CAST: variants seen among roughly 807,000 people sequenced by gnomAD.
The protein encoded by CAST is MIR583 host.
In CAST, 76 loss-of-function variants were observed where a neutral mutation model predicts 119.6. The observed-to-expected ratio is 0.64, with a 90% CI of 0.53 to 0.77. The LOEUF (loss-of-function observed/expected upper bound fraction) is 0.77, where lower values mean the gene tolerates loss of function less well. Ranked by LOEUF, CAST falls within the 30% of genes least tolerant of loss-of-function variation. The pLI, the probability that CAST is intolerant of heterozygous loss-of-function variation, is 0.00. For synonymous variants in CAST, 319 were observed against 331.6 expected, an observed-to-expected ratio of 0.96 and a Z score of 0.41; for missense variants, 953 against 946.5, an observed-to-expected ratio of 1.01 and a Z score of -0.09.
chr5:96,398,765 C>T, the CAST span: 1 of 901,386 alleles, frequency 1.1e-6, no homozygotes, highest in Non-Finnish European at 1.8e-6. Flanking sequence ...TTTTTTAAGA[C>T]CTGAAAATAT....
chr5:96,071,665 T>C, the CAST span, among the ~76,000 whole-genome samples: 1 of 152,190 alleles, frequency 6.6e-6, no homozygotes, highest in Admixed American at 6.6e-5. Context: ...TTCCTCTCAC[T>C]TGGGATGCTG....
At chr5:96,371,793 G>T in the CAST span, among the ~76,000 whole-genome samples, 1 of 152,074 alleles carries the variant, frequency 6.6e-6, no homozygotes, top group Non-Finnish European at 1.5e-5. Context: ...AGATTTACAG[G>T]CTGAAAATGG....
the CAST span, among the ~76,000 whole-genome samples, chr5:96,434,627 TG>T: frequency 9.9e-4 from 149 of 150,808 alleles, no homozygotes; most frequent in African/African-American, 2.9e-3. Flanking sequence ...TTGTTGTTGT[TG>T]TTGTTGTTTT....
At chr5:96,222,653 C>T in the CAST span, among the ~76,000 whole-genome samples, 1 of 151,988 alleles carries the variant, frequency 6.6e-6, no homozygotes, top group African/African-American at 2.4e-5. Context: ...TTATTATACA[C>T]CATTGATGGG....
the CAST span, among the ~76,000 whole-genome samples, chr5:96,361,191 C>T: frequency 7.2e-5 from 11 of 152,266 alleles, no homozygotes; most frequent in Admixed American, 3.9e-4. Context: ...CCACCAAGCT[C>T]GAGTGTCCCA....
the CAST span, among the ~76,000 whole-genome samples, chr5:96,491,527 T>TAAAAAAAAAAAAAAAAAAA: frequency 9.4e-6 from 1 of 106,096 alleles, no homozygotes. Flanking sequence ...AAAAAAAAAT[T>TAAAAAAAAAAAAAAAAAAA]AAAAAGACCA....
the CAST span, chr5:96,398,825 A>C: frequency 7.4e-7 from 1 of 1,346,348 alleles, no homozygotes; most frequent in South Asian, 1.2e-5. Context: ...CAGTTATTTG[A>C]ATCATTCAAC....
chr5:96,345,594 G>T, the CAST span, among the ~76,000 whole-genome samples: 1 of 152,114 alleles, frequency 6.6e-6, no homozygotes, highest in African/African-American at 2.4e-5. Flanking sequence ...TGGGTGTACA[G>T]TTCCTTAGCT....
chr5:96,170,925 C>A, the CAST span, among the ~76,000 whole-genome samples: 2 of 152,056 alleles, frequency 1.3e-5, no homozygotes, highest in South Asian at 2.1e-4. Context: ...GGAGCAGAGG[C>A]TGAGGAAGAA....
chr5:96,727,642 T>G lies in CAST; in HGVS notation c.378+112T>G, dbSNP rs552410254. 6.8e-6 allele frequency: 4 copies of G among 587,678 alleles called. No individual in the cohort carries two copies. In the South Asian group the frequency reaches 1.2e-4, roughly 17 times the overall value. The allele number at this position is 587,678 out of a possible 1,614,324, so 36.4% of individuals were successfully genotyped here. ...ATGGTAAAGGGGGTTGCTGGCTAAT[T>G]TAATTAATTTTTAGACCCTTTTGAA... is the stretch of plus-strand genomic sequence containing the variant. On this transcript the variant is annotated intron_variant, in intron 6 of 31. Transcript: ENST00000675179.
At chr5:96,016,174 A>G in the CAST span, among the ~76,000 whole-genome samples, 1 of 152,356 alleles carries the variant, frequency 6.6e-6, no homozygotes, top group East Asian at 1.9e-4. Flanking sequence ...CAAGGACTTC[A>G]TATTTGCTTT....
At chr5:96,497,108 G>A in the CAST span, among the ~76,000 whole-genome samples, 1 of 148,940 alleles carries the variant, frequency 6.7e-6, no homozygotes, top group Non-Finnish European at 1.5e-5. Flanking sequence ...ATAACATGTG[G>A]TGTTTGGTTT....
At chr5:96,407,028 CTAAAA>C in the CAST span, among the ~76,000 whole-genome samples, 2 of 151,840 alleles carry the variant, frequency 1.3e-5, no homozygotes, top group Non-Finnish European at 2.9e-5. Flanking sequence ...ACATCATACA[CTAAAA>C]TAAATTCCAG....
At chr5:96,625,573 C>G (rs1053125497) in intron 1 of CAST, among the ~76,000 whole-genome samples, 1 of 152,144 alleles carries the variant, frequency 6.6e-6, no homozygotes, top group Non-Finnish European at 1.5e-5. Flanking sequence ...AAAGGGAAAC[C>G]AATTTTAAAG....
chr5:96,421,665 G>A, the CAST span, among the ~76,000 whole-genome samples: 2 of 152,058 alleles, frequency 1.3e-5, no homozygotes, highest in Non-Finnish European at 2.9e-5. Flanking sequence ...CATAATGTAA[G>A]AAGTTTAATG....
intron 27 of CAST, 43 bp from the exon 28 acceptor site, chr5:96,767,395 T>C (rs1353192598): frequency 1.3e-6 from 2 of 1,539,290 alleles, no homozygotes; most frequent in South Asian, 2.2e-5. Context: ...AGTAAACCTT[T>C]ACAGATATCT....
chr5:95,981,422 G>C, the CAST span, among the ~76,000 whole-genome samples: 2 of 152,198 alleles, frequency 1.3e-5, no homozygotes, highest in African/African-American at 4.8e-5. Flanking sequence ...TTTATTTCTT[G>C]TATAACAATG....
At chr5:96,702,529 C>G (rs1256042103) in intron 3 of CAST, among the ~76,000 whole-genome samples, 1 of 152,226 alleles carries the variant, frequency 6.6e-6, no homozygotes, top group Non-Finnish European at 1.5e-5. Context: ...TTGCGAAGTG[C>G]ACCCACCGTC....
At chr5:96,591,696 T>C (rs1026055465) in intron 1 of CAST, among the ~76,000 whole-genome samples, 1 of 152,244 alleles carries the variant, frequency 6.6e-6, no homozygotes, top group African/African-American at 2.4e-5. Context: ...AAATTCTTCC[T>C]TGGCATAATA....
Sources: allele counts gnomAD v4.1 joint callset (sites outside exome capture counted in the v4.1 genomes callset), GRCh38; gene constraint gnomAD v4.1.1; transcripts MANE v1.5; gene names NCBI Gene and HGNC (gene_info 2026-07-23, HGNC 2026-07-21).